MARCHF8: variants seen among roughly 807,000 people sequenced by gnomAD.
The protein encoded by MARCHF8 is membrane associated ring-CH-type finger 8.
A neutral mutation model predicts 51.6 loss-of-function variants in MARCHF8; 40 were observed. The observed-to-expected ratio is 0.77, with a 90% CI of 0.60 to 1.01. MARCHF8 has a LOEUF of 1.01. Ranked by LOEUF, MARCHF8 falls within the 50% of genes least tolerant of loss-of-function variation. The pLI, the probability that MARCHF8 is intolerant of heterozygous loss-of-function variation, is 0.00. For synonymous variants in MARCHF8, 263 were observed against 280.3 expected (o/e 0.94, Z 0.62); for missense variants, 685 against 708.6 (o/e 0.97, Z 0.38).
At chr10:45,594,207 G>A (rs895404900) in intron 1 of MARCHF8, 4 of 152,220 alleles carry the variant, frequency 2.6e-5, no homozygotes, top group Non-Finnish European at 4.4e-5. Flanking sequence ...CCAAAGAAAA[G>A]TTAGCAATTA....
chr10:45,514,719 G>A (rs1174091245), intron 2 of MARCHF8, among the ~76,000 whole-genome samples: 6 of 152,200 alleles, frequency 3.9e-5, no homozygotes, highest in Admixed American at 6.5e-5. Flanking sequence ...TCAGTTTCCC[G>A]TCAATGACAG....
chr10:45,485,288 G>GA (rs2042960020), intron 3 of MARCHF8, among the ~76,000 whole-genome samples: 1 of 152,138 alleles, frequency 6.6e-6, no homozygotes, highest in Non-Finnish European at 1.5e-5. Flanking sequence ...GTGCGATCCT[G>GA]AAAAATAAAA....
chr10:45,512,105 G>A (rs1439294168), intron 2 of MARCHF8, among the ~76,000 whole-genome samples: 7 of 147,712 alleles, frequency 4.7e-5, no homozygotes, highest in East Asian at 2.1e-4. Flanking sequence ...CCGCCGCCCC[G>A]TCTGGGATGT....
At chr10:45,579,998 G>A (rs1312557623) in intron 1 of MARCHF8, among the ~76,000 whole-genome samples, 3 of 88,806 alleles carry the variant, frequency 3.4e-5, no homozygotes, top group South Asian at 4.4e-4. Context: ...GAAAGACTCC[G>A]TCTCCAAAAA....
intron 2 of MARCHF8, among the ~76,000 whole-genome samples, chr10:45,491,822 T>C (rs1320771023): frequency 1.3e-5 from 2 of 152,208 alleles, no homozygotes; most frequent in African/African-American, 2.4e-5. Context: ...AAGCCAATTA[T>C]AACCACTGCT....
At chr10:45,459,788 G>A (rs1004427119) in intron 6 of MARCHF8, 4 of 985,322 alleles carry the variant, frequency 4.1e-6, no homozygotes, top group East Asian at 2.3e-4. Context: ...TCGACGCTAA[G>A]AGTTCCTGGT....
chr10:45,530,190 A>G (rs1483303975), intron 2 of MARCHF8, among the ~76,000 whole-genome samples: 1 of 152,218 alleles, frequency 6.6e-6, no homozygotes, highest in Non-Finnish European at 1.5e-5. Context: ...AGCAAGTCAA[A>G]TATCACATAT....
chr10:45,518,145 G>C lies in MARCHF8; in HGVS notation c.102+14965C>G, dbSNP rs561360915. On this transcript the variant is annotated intron_variant, in intron 2 of 7. Transcript: ENST00000453424. Reference sequence around the variant, plus strand: ...GAATTCTGGTTGCTCTTGGTTGTCTGAGATAAAAGGCCTGATGACTATGGA... The same window carrying C: ...GAATTCTGGTTGCTCTTGGTTGTCTCAGATAAAAGGCCTGATGACTATGGA... Among the ~76,000 whole-genome samples, 5 of 152,296 alleles carry C rather than the reference G, an allele frequency of 3.3e-5. No individual in the cohort carries two copies. In the East Asian group the frequency reaches 9.7e-4, roughly 29 times the overall value.
intron 3 of MARCHF8, among the ~76,000 whole-genome samples, chr10:45,478,253 T>C (rs1250559127): frequency 2.6e-5 from 4 of 152,144 alleles, no homozygotes; most frequent in African/African-American, 7.2e-5. Context: ...AACTAGAAAC[T>C]GTACAATTAC....
At chr10:45,516,217 C>G (rs1015520842) in intron 2 of MARCHF8, among the ~76,000 whole-genome samples, 2 of 152,228 alleles carry the variant, frequency 1.3e-5, no homozygotes, top group East Asian at 3.9e-4. Flanking sequence ...TGAAGATAAT[C>G]AGTTCTAAGG....
intron 1 of MARCHF8, among the ~76,000 whole-genome samples, chr10:45,575,885 A>G (rs543568587): frequency 1.3e-5 from 2 of 152,176 alleles, no homozygotes; most frequent in Admixed American, 6.5e-5. Flanking sequence ...AGCTCCCCCA[A>G]TGAACACCTT....
chr10:45,547,678 C>T (rs1267792820), intron 1 of MARCHF8, among the ~76,000 whole-genome samples: 2 of 152,032 alleles, frequency 1.3e-5, no homozygotes, highest in East Asian at 1.9e-4. Context: ...TAAGATAAAA[C>T]ATAATATGTT....
intron 5 of MARCHF8, among the ~76,000 whole-genome samples, chr10:45,462,356 T>C (rs1017524256): frequency 1.3e-5 from 2 of 152,044 alleles, no homozygotes; most frequent in East Asian, 1.9e-4. Context: ...GGATGGGACA[T>C]AGGTGGCTAC....
intron 1 of MARCHF8, among the ~76,000 whole-genome samples, chr10:45,552,519 A>T (rs1352239673): frequency 6.6e-6 from 1 of 152,162 alleles, no homozygotes; most frequent in Non-Finnish European, 1.5e-5. Context: ...GTCAGCTATC[A>T]CGTCTTAGAG....
chr10:45,569,629 G>C (rs374021008), intron 1 of MARCHF8, among the ~76,000 whole-genome samples: 1 of 152,128 alleles, frequency 6.6e-6, no homozygotes. Context: ...AGGGCAGAGC[G>C]TCACCTTATT....
chr10:45,542,528 T>C lies in MARCHF8; in HGVS notation c.-78-9239A>G, dbSNP rs564578670. On this transcript the variant is annotated intron_variant, in intron 1 of 6. Coordinates refer to the MARCHF8 transcript ENST00000319836. The stretch of plus-strand genomic sequence containing the variant: ...CTTACTCCAAGCCTCGATGGGAGTA[T>C]CTGATAATTTATAGTATATGTAGCA... 2.6e-5 allele frequency among the ~76,000 whole-genome samples: 4 copies of C among 152,112 alleles called. No homozygotes were observed. In the South Asian group the frequency reaches 8.3e-4, roughly 32 times the overall value.
chr10:45,526,177 G>A (rs1467355798), intron 2 of MARCHF8, among the ~76,000 whole-genome samples: 1 of 151,948 alleles, frequency 6.6e-6, no homozygotes. Flanking sequence ...GCTCCAAAAC[G>A]GCGAGTAGAT....
chr10:45,512,990 G>A (rs549409895), intron 2 of MARCHF8, among the ~76,000 whole-genome samples: 32 of 151,572 alleles, frequency 2.1e-4, no homozygotes, highest in African/African-American at 7.8e-4. Context: ...TAAGGGCGGT[G>A]CAAGATGTGC....
intron 1 of MARCHF8, among the ~76,000 whole-genome samples, chr10:45,576,008 G>A (rs370052798): frequency 6.6e-6 from 1 of 152,118 alleles, no homozygotes; most frequent in Non-Finnish European, 1.5e-5. Context: ...GACTCAGACC[G>A]CCTGCACCCA....
Sources: gnomAD v4.1 joint callset for allele counts (sites outside exome capture counted in the v4.1 genomes callset) on GRCh38, gnomAD v4.1.1 for gene constraint, MANE v1.5 for transcripts, NCBI Gene and HGNC (gene_info 2026-07-23, HGNC 2026-07-21) for gene names.